Variants in ZNF112 observed in about 807,000 individuals in gnomAD.
The protein encoded by ZNF112 is zinc finger protein 112, also known as zinc finger protein 112 (Y14).
A neutral mutation model predicts 77.7 loss-of-function variants in ZNF112; 37 were observed. That is an observed-to-expected ratio of 0.48 (90% CI 0.37 to 0.63). ZNF112 has a LOEUF of 0.63. Among genes scored for constraint, ZNF112 ranks in the 20% least tolerant of loss-of-function variants. The probability of loss-of-function intolerance (pLI) is 0.00; values close to 1 mark genes in which losing one functional copy is unlikely to be tolerated. For synonymous variants in ZNF112, 333 were observed against 363.6 expected, an observed-to-expected ratio of 0.92 and a Z score of 0.96; for missense variants, 950 against 1,077.4, an observed-to-expected ratio of 0.88 and a Z score of 1.66.
At chr19:44,351,624 T>C (rs757037310) in intron 1 of ZNF112, among the ~76,000 whole-genome samples, 7 of 152,040 alleles carry the variant, frequency 4.6e-5, no homozygotes, top group Non-Finnish European at 1.0e-4. Context: ...TCTCATTATA[T>C]AAATACCTAA....
chr19:44,335,037 T>C (rs1047909858), intron 3 of ZNF112, among the ~76,000 whole-genome samples: 1 of 152,168 alleles, frequency 6.6e-6, no homozygotes, highest in Non-Finnish European at 1.5e-5. Context: ...ATGCAGGCAC[T>C]CAACGCCAGC....
In ZNF112 at chr19:44,340,426, C is replaced by T; in HGVS notation, c.114G>A (p.Leu38=). The part of the protein sequence containing the change: ...RDVMLENFRN[L]LLVAHQPFKP... ...GGCACCTATCCTCACCTACTAAGAG[C>T]AGGTTCCTGAAGTTCTCCAGCATCA... is the stretch of plus-strand genomic sequence containing the variant. The change falls in exon 2 of 4, where the codon CTG becomes CTA. Residue 38 remains leucine (L), a synonymous_variant. Transcript: ENST00000354340. 2 of 1,613,968 alleles carry T rather than the reference C, an allele frequency of 1.2e-6. No homozygotes were observed. The highest frequency in any genetic ancestry group is 8.5e-7 in the Non-Finnish European group (1 of 1,179,910).
chr19:44,361,673 G>A (rs1198348277), upstream of ZNF112, among the ~76,000 whole-genome samples: 1 of 152,204 alleles, frequency 6.6e-6, no homozygotes, highest in African/African-American at 2.4e-5. Flanking sequence ...GTATTTTTAA[G>A]CAGTGACACT....
rs748108450 is a variant in ZNF112 at position 44,327,810 on chromosome 19, T to C, written c.2347A>G (p.Ser783Gly). 1.9e-6 allele frequency: 3 copies of C among 1,613,790 alleles called. No individual in the cohort carries two copies. Among genetic ancestry groups the C allele is most frequent in the East Asian group, 2.2e-5 (1 of 44,878 alleles). ...CTTTGGTGTGCTTGAAGGCGTGAAC[T>C]CTCACTGAAACCCTTTGTACACACC... ...CEVCTKGFSESSRLQAHQRVH... is the reference protein window; with the variant it reads ...CEVCTKGFSEGSRLQAHQRVH... The change falls in exon 4 of 4, where the codon AGT becomes GGT. Residue 783 changes from serine to glycine, a missense_variant. Coordinates refer to ENST00000354340, the MANE Select transcript of ZNF112 (RefSeq NM_013380.4).
intron 1 of ZNF112, among the ~76,000 whole-genome samples, chr19:44,364,967 T>A (rs934968233): frequency 6.6e-6 from 1 of 152,174 alleles, no homozygotes; most frequent in African/African-American, 2.4e-5. Flanking sequence ...TTTGGTATTA[T>A]CAGATTAATG....
At chr19:44,345,108 A>G (rs1970563891) in intron 1 of ZNF112, among the ~76,000 whole-genome samples, 1 of 152,220 alleles carries the variant, frequency 6.6e-6, no homozygotes, top group Non-Finnish European at 1.5e-5. Context: ...GGAGCTTTAA[A>G]AAAAACCAAT....
chr19:44,327,818 A>G lies in ZNF112; in HGVS notation c.2339T>C (p.Phe780Ser). ...PYKCEVCTKG[F>S]SESSRLQAHQ... is the part of the protein sequence containing the mutation. ...TGCTTGAAGGCGTGAACTCTCACTG[A>G]AACCCTTTGTACACACCTCACATTT... The change falls in exon 4 of 4, where the codon TTC becomes TCC. Residue 780 changes from phenylalanine to serine, a missense_variant. Physicochemically the swap from Phe to Ser is radical, Grantham distance 155. Coordinates refer to ENST00000354340, the MANE Select transcript of ZNF112 (RefSeq NM_013380.4). 6.2e-7 allele frequency: 1 copy of G among 1,613,936 alleles called. No homozygotes were observed. Among genetic ancestry groups the G allele is most frequent in the Non-Finnish European group, 8.5e-7 (1 of 1,179,882 alleles).
chr19:44,358,284 A>AT (rs113581852), upstream of ZNF112, among the ~76,000 whole-genome samples: 7,380 of 151,926 alleles, frequency 0.049, 598 homozygotes, highest in African/African-American at 0.16. Context: ...ATAATAGGGG[A>AT]TTTTTTTTTA....
At chr19:44,349,164 A>G (rs1270168669) in intron 1 of ZNF112, among the ~76,000 whole-genome samples, 3 of 152,096 alleles carry the variant, frequency 2.0e-5, no homozygotes, top group Admixed American at 6.6e-5. Flanking sequence ...AGTGCTATGT[A>G]GTTATAACAG....
Position 44,328,110 on chromosome 19 carries a change from C to T in ZNF112, c.2047G>A (p.Gly683Arg). Reference sequence around the variant, plus strand: ...TCATCACATTGGTATGGCTTCTCTCCCGTGTGGACCCTCTGATGGGCCAAA... The same window carrying T: ...TCATCACATTGGTATGGCTTCTCTCTCGTGTGGACCCTCTGATGGGCCAAA... ...TLLAHQRVHT[G>R]EKPYQCDECG... Residue 683 changes from glycine (G) to arginine (R), a missense_variant, in exon 4 of 4, where the codon GGA becomes AGA. By Grantham distance (125) the Gly-to-Arg change is moderately radical. Transcript: ENST00000354340. 6.2e-7 allele frequency: 1 copy of T among 1,613,986 alleles called. No homozygotes were observed. Among genetic ancestry groups the T allele is most frequent in the Non-Finnish European group, 8.5e-7 (1 of 1,179,982 alleles).
chr19:44,328,061 C>A lies in ZNF112; in HGVS notation c.2096G>T (p.Arg699Ile), dbSNP rs371581753. 100 of 1,613,934 alleles carry A rather than the reference C, an allele frequency of 6.2e-5. No homozygotes were observed. In the East Asian group the frequency reaches 1.6e-3, roughly 26 times the overall value. Reference sequence around the variant, plus strand: ...ACTCTGATGACTCTGAAGGTATGATCTCTGACTGAAACTCTTACCACACTC... The same window carrying A: ...ACTCTGATGACTCTGAAGGTATGATATCTGACTGAAACTCTTACCACACTC... ...CDECGKSFSQ[R>I]SYLQSHQSVH... Residue 699 changes from arginine to isoleucine, a missense_variant, in exon 4 of 4, where the codon AGA becomes ATA. By Grantham distance (97) the Arg-to-Ile change is moderately conservative. This residue lies in a region of ZNF112 where 373 missense variants were observed against 482.8 expected (regional missense o/e 0.77). Coordinates refer to ENST00000354340, the MANE Select transcript of ZNF112 (RefSeq NM_013380.4).
intron 1 of ZNF112, among the ~76,000 whole-genome samples, chr19:44,354,173 C>A (rs10420923): frequency 0.013 from 2,006 of 151,978 alleles, 47 homozygotes; most frequent in African/African-American, 0.046. Flanking sequence ...AAAACTATAG[C>A]GTTTTAGTGG....
At chr19:44,366,382 CCCT>C (rs770451936) in intron 1 of ZNF112, among the ~76,000 whole-genome samples, 12 of 152,052 alleles carry the variant, frequency 7.9e-5, no homozygotes, top group Non-Finnish European at 1.0e-4. Flanking sequence ...TTCCCACCCT[CCCT>C]CCTTCCTTCC....
intron 1 of ZNF112, among the ~76,000 whole-genome samples, chr19:44,363,365 C>T (rs1457670391): frequency 6.6e-6 from 1 of 152,164 alleles, no homozygotes; most frequent in African/African-American, 2.4e-5. Context: ...ACATTTATGT[C>T]TTAGCCATCT....
rs756710572 is a variant in ZNF112, at chr19:44,329,264, T to C, written c.893A>G (p.His298Arg). 1.2e-6 allele frequency: 2 copies of C among 1,613,936 alleles called. No homozygotes were observed. The highest frequency in any genetic ancestry group is 1.7e-4 in the Middle Eastern group (1 of 6,060). The change falls in exon 4 of 4, where the codon CAT becomes CGT. Residue 298 changes from histidine (H) to arginine (R), a missense_variant. His to Arg is a conservative substitution (Grantham distance 29, BLOSUM62 0). Transcript: ENST00000354340. ...ATCATCTTCTCTCTCAATATTTTGATGAATATGAAGAAGTGAACTATAATT... is the reference window on the plus strand; with the variant it reads ...ATCATCTTCTCTCTCAATATTTTGACGAATATGAAGAAGTGAACTATAATT... Reference protein sequence around the residue: ...GCNYSSLLHIHQNIEREDDIE... With the variant: ...GCNYSSLLHIRQNIEREDDIE...
At chr19:44,341,441 C>A (rs1332647415) in intron 1 of ZNF112, among the ~76,000 whole-genome samples, 1 of 152,158 alleles carries the variant, frequency 6.6e-6, no homozygotes, top group Non-Finnish European at 1.5e-5. Context: ...GAATAATGAC[C>A]TTTAAAGTTC....
rs1381635955 is a variant in ZNF112 at position 44,327,211 on chromosome 19, A to G, written c.*222T>C. ...CTGTACTTTTATTAAATTCCTGACC[A>G]TACTCATATTTTATAAGCCTTAGCT... On this transcript the variant is annotated 3_prime_UTR_variant, in exon 4 of 4. Transcript: ENST00000354340. The G allele has an allele frequency of 2.2e-6, 1 of 461,898 alleles. No homozygotes were observed. Among genetic ancestry groups the G allele is most frequent in the African/African-American group, 2.0e-5 (1 of 51,262 alleles). The allele number at this position is 461,898 out of a possible 1,614,324, so 28.6% of individuals were successfully genotyped here. A position where few individuals can be genotyped will look rare whatever the true frequency, so the allele number is the denominator to read the frequency against.
At position 44,349,544 on chromosome 19, in the gene ZNF112, C is replaced by G. The variant is rs137863788; in HGVS notation, c.-4+7082G>C. ...CAACACTGTCACGCTAAGCACTCAT[C>G]ACAATATTCTCAATTCACAATAAAT... On this transcript the variant is annotated intron_variant, in intron 1 of 3. Transcript: ENST00000354340. 4.9e-3 allele frequency among the ~76,000 whole-genome samples: 750 copies of G among 152,018 alleles called. 5 individuals carry two copies. The highest frequency in any genetic ancestry group is 0.017 in the African/African-American group (725 of 41,478).
rs1427999846 is a variant in ZNF112, at chr19:44,326,659, A to G, written c.*774T>C. 6.6e-6 allele frequency: 1 copy of G among 152,196 alleles called. No individual in the cohort carries two copies. Among genetic ancestry groups the G allele is most frequent in the African/African-American group, 2.4e-5 (1 of 41,446 alleles). 9.4% of individuals were successfully genotyped at this position (152,196 alleles called of 1,614,324 possible). The stretch of plus-strand genomic sequence containing the variant: ...GCCTTAATTCACAGGGCAGGAGTAG[A>G]AAATCAATTATGTAAAATACAGTGT... On this transcript the variant is annotated 3_prime_UTR_variant, in exon 4 of 4. Transcript: ENST00000354340.
Sources: allele counts gnomAD v4.1 joint callset (sites outside exome capture counted in the v4.1 genomes callset), GRCh38; gene constraint gnomAD v4.1.1; regional missense constraint gnomAD v4.1.1; transcripts MANE v1.5; gene names NCBI Gene and HGNC (gene_info 2026-07-23, HGNC 2026-07-21).